The following FSD2 variants were observed in gnomAD, a reference collection of about 807,000 sequenced individuals.
FSD2 encodes fibronectin type III and SPRY domain containing 2, also known as fibronectin type III and SPRY domain-containing protein 2.
A neutral mutation model predicts 80.4 loss-of-function variants in FSD2; 71 were observed. The observed-to-expected ratio is 0.88, with a 90% CI of 0.73 to 1.08. The LOEUF is 1.08. Among genes scored for constraint, FSD2 ranks in the 50% least tolerant of loss-of-function variants. The pLI, the probability that FSD2 is intolerant of heterozygous loss-of-function variation, is 0.00. For synonymous variants in FSD2, 361 were observed against 329.5 expected, an observed-to-expected ratio of 1.10 and a Z score of -1.03; for missense variants, 923 against 913.8, an observed-to-expected ratio of 1.01 and a Z score of -0.13.
At chr15:82,779,888 A>G (rs1357496089) in intron 5 of FSD2, among the ~76,000 whole-genome samples, 3 of 152,138 alleles carry the variant, frequency 2.0e-5, no homozygotes, top group African/African-American at 4.8e-5. Flanking sequence ...TGATTCTAAA[A>G]TGTGCACACT....
intron 1 of FSD2, among the ~76,000 whole-genome samples, chr15:82,793,300 C>T (rs1255469185): frequency 6.7e-6 from 1 of 149,474 alleles, no homozygotes; most frequent in Non-Finnish European, 1.5e-5. Context: ...GGGGTTTCAC[C>T]ATGTTGGCCA....
chr15:82,764,491 G>GTTTTTTTTTT (rs2049361910), intron 11 of FSD2, among the ~76,000 whole-genome samples: 3 of 59,334 alleles, frequency 5.1e-5, no homozygotes, highest in Admixed American at 4.1e-4. Flanking sequence ...TTCTTTACTT[G>GTTTTTTTTTT]CTTTTTTTTT....
chr15:82,800,678 C>A (rs113269510), intron 1 of FSD2, among the ~76,000 whole-genome samples: 8 of 92,438 alleles, frequency 8.7e-5, no homozygotes, highest in Non-Finnish European at 1.6e-4. Context: ...GGGGATAGAG[C>A]GAGATTCTGT....
intron 6 of FSD2, among the ~76,000 whole-genome samples, chr15:82,778,127 C>CATAT (rs34527251): frequency 0.089 from 7,455 of 83,698 alleles, 452 homozygotes; most frequent in African/African-American, 0.1. Flanking sequence ...ACAAAAAAAC[C>CATAT]ATATATATAT....
chr15:82,769,148 C>T (rs2049497378), intron 8 of FSD2, 118 bp from the exon 9 acceptor site: 5 of 903,998 alleles, frequency 5.5e-6, no homozygotes, highest in Non-Finnish European at 7.6e-6. Flanking sequence ...AGATTCAGTG[C>T]AATAAAAAGC....
intron 1 of FSD2, among the ~76,000 whole-genome samples, chr15:82,798,873 G>GTTTTTTTTTTTT (rs149986626): frequency 9.0e-6 from 1 of 111,472 alleles, no homozygotes; most frequent in Non-Finnish European, 1.7e-5. Context: ...TATCTCCACT[G>GTTTTTTTTTTTT]TTTTGTTTTT....
chr15:82,780,033 G>A (rs920187077), intron 5 of FSD2, among the ~76,000 whole-genome samples: 4 of 151,942 alleles, frequency 2.6e-5, no homozygotes, highest in Admixed American at 6.6e-5. Context: ...GAGCCTCACC[G>A]TACACGCTCC....
chr15:82,784,251 T>TTTTA (rs886368520), intron 3 of FSD2, among the ~76,000 whole-genome samples: 1 of 128,600 alleles, frequency 7.8e-6, no homozygotes, highest in Admixed American at 8.7e-5. Flanking sequence ...TTTTATTTTA[T>TTTTA]TTTATTTTTT....
chr15:82,786,960 T>A lies in FSD2; in HGVS notation c.431A>T (p.Gln144Leu), dbSNP rs1295471615. 6.2e-7 allele frequency: 1 copy of A among 1,614,046 alleles called. No individual in the cohort carries two copies. The highest frequency in any genetic ancestry group is 1.3e-5 in the African/African-American group (1 of 75,060). Reference sequence around the variant, plus strand: ...GTACCTATAGGCTTCCCGCAAGTCCTGGCACTGGCCTGCTGAGCCCCACCC... The same window carrying A: ...GTACCTATAGGCTTCCCGCAAGTCCAGGCACTGGCCTGCTGAGCCCCACCC... ...FGGWGSAGQC[Q>L]DLREAYRYTH... The change falls in exon 2 of 13, where the codon CAG (glutamine) becomes CTG (leucine). Residue 144 changes from glutamine (Q) to leucine (L), a missense_variant. Transcript: ENST00000334574.
chr15:82,765,139 C>A (rs780227570), intron 11 of FSD2, 27 bp downstream of exon 11: 1 of 1,568,862 alleles, frequency 6.4e-7, no homozygotes, highest in Non-Finnish European at 8.6e-7. Context: ...GTTCACAGAA[C>A]GCCCTTGTGA....
intron 3 of FSD2, 124 bp downstream of exon 3, chr15:82,786,387 G>A: frequency 2.8e-6 from 2 of 721,938 alleles, no homozygotes; most frequent in East Asian, 2.7e-5. Flanking sequence ...AGGAGAGAAG[G>A]GGGAGTGGTG....
chr15:82,787,720 T>TA (rs34763650), intron 1 of FSD2, among the ~76,000 whole-genome samples: 53 of 148,938 alleles, frequency 3.6e-4, no homozygotes, highest in Non-Finnish European at 5.5e-4. Flanking sequence ...CCTCATACAT[T>TA]AAAAAAAAAA....
At chr15:82,805,739 CT>C (rs1422564482) in intron 1 of FSD2, among the ~76,000 whole-genome samples, 1 of 152,214 alleles carries the variant, frequency 6.6e-6, no homozygotes, top group Non-Finnish European at 1.5e-5. Flanking sequence ...CCCTGTCTGC[CT>C]TCATCAGAGC....
intron 3 of FSD2, among the ~76,000 whole-genome samples, chr15:82,783,355 TC>T (rs1190514072): frequency 6.6e-6 from 1 of 152,214 alleles, no homozygotes; most frequent in Non-Finnish European, 1.5e-5. Flanking sequence ...TGCCTCAGCC[TC>T]CCAAAGTGTT....
intron 10 of FSD2, 128 bp from the exon 11 acceptor site, chr15:82,765,426 A>G: frequency 1.7e-6 from 2 of 1,190,736 alleles, no homozygotes; most frequent in Non-Finnish European, 2.4e-6. Context: ...ATAGGCGTCC[A>G]GTTAACAAGG....
chr15:82,772,182 T>G lies in FSD2; in HGVS notation c.1158A>C (p.Thr386=), dbSNP rs1029506271. 6.2e-7 allele frequency: 1 copy of G among 1,612,484 alleles called. No individual in the cohort carries two copies. The highest frequency in any genetic ancestry group is 1.7e-5 in the Admixed American group (1 of 59,776). ...VINPQVPNSA[T]GSSVRVCWSL... ...TCCAGCACACTCGGACTGAGGAACC[T>G]GTGGCTGAGTTAGGGACCTGTGGAT... The change falls in exon 7 of 13, where the codon ACA becomes ACC. Residue 386 remains threonine, a synonymous_variant. Coordinates refer to ENST00000334574, the MANE Select transcript of FSD2 (RefSeq NM_001007122.4).
At chr15:82,797,939 T>C (rs2050317565) in intron 1 of FSD2, among the ~76,000 whole-genome samples, 1 of 152,242 alleles carries the variant, frequency 6.6e-6, no homozygotes, top group African/African-American at 2.4e-5. Flanking sequence ...TATTCAGAGA[T>C]GTATGGTCCC....
Position 82,762,223 on chromosome 15 carries a change from C to T in FSD2, c.1876G>A (p.Val626Met), listed in dbSNP as rs2049309728. The T allele has an allele frequency of 3.1e-6, 5 of 1,613,876 alleles. No homozygotes were observed. Among genetic ancestry groups the T allele is most frequent in the Non-Finnish European group, 4.2e-6 (5 of 1,179,896 alleles). Residue 626 changes from valine (V) to methionine (M), a missense_variant, in exon 12 of 13, where the codon GTG (valine) becomes ATG (methionine). Transcript: ENST00000334574. The part of the protein sequence containing the change: ...IPVRGHHYWE[V>M]EVDEHLDYRV... ...TAGTCCAAATGCTCATCCACCTCCACCTCCCAGTAATGGTGCCCTCGGACT... is the reference window on the plus strand; with the variant it reads ...TAGTCCAAATGCTCATCCACCTCCATCTCCCAGTAATGGTGCCCTCGGACT...
rs2151508170 is a variant in FSD2, at chr15:82,778,755, C to T, written c.1111+11G>A. 6.2e-7 allele frequency: 1 copy of T among 1,602,456 alleles called. No individual in the cohort carries two copies. The highest frequency in any genetic ancestry group is 2.2e-5 in the East Asian group (1 of 44,674). Reference sequence around the variant, plus strand: ...CTGAACCTGCCGCGAAGTACACACACAGGTGAGCACCTGGAATGGTGTTAA... The same window carrying T: ...CTGAACCTGCCGCGAAGTACACACATAGGTGAGCACCTGGAATGGTGTTAA... On this transcript the variant is annotated intron_variant, in intron 6 of 12. Coordinates refer to ENST00000334574, the MANE Select transcript of FSD2 (RefSeq NM_001007122.4).
Sources: allele counts gnomAD v4.1 joint callset (sites outside exome capture counted in the v4.1 genomes callset), GRCh38; gene constraint gnomAD v4.1.1; transcripts MANE v1.5; gene names NCBI Gene and HGNC (gene_info 2026-07-23, HGNC 2026-07-21).